Variants in WASHC2C observed in about 807,000 individuals in gnomAD.
WASHC2C encodes the protein WASH complex subunit 2C, also known as Vaccinia Penetration Factor.
A neutral mutation model predicts 142.2 loss-of-function variants in WASHC2C; 73 were observed. That is an observed-to-expected ratio of 0.51 (90% CI 0.43 to 0.62). The LOEUF (loss-of-function observed/expected upper bound fraction) is 0.62. WASHC2C is among the 20% of genes least tolerant of loss of function. The pLI is 0.00. For synonymous variants in WASHC2C, 337 were observed against 565.5 expected, an observed-to-expected ratio of 0.60 and a Z score of 5.73; for missense variants, 969 against 1,531.7, an observed-to-expected ratio of 0.63 and a Z score of 6.13.
intron 5 of WASHC2C, among the ~76,000 whole-genome samples, chr10:45,741,884 C>G (rs200396668): frequency 6.6e-6 from 1 of 151,032 alleles, no homozygotes; most frequent in East Asian, 2.0e-4. Flanking sequence ...GCTTCTGTCT[C>G]CTGGGTTCAA....
rs1482849862 is a variant in WASHC2C at position 45,790,419 on chromosome 10, T to C, written c.3772T>C (p.Leu1258=). ...SQKTREKEKT[L]ESNLFDDNID... is the part of the protein sequence containing the mutation. ...GAAAACCAGAGAGAAGGAGAAAACA[T>C]TGGAATCTAATTTATTTGATGATAA... is the stretch of plus-strand genomic sequence containing the variant. Residue 1258 remains leucine, a synonymous_variant, in exon 30 of 31, where the codon TTG becomes CTG. Transcript: ENST00000623400. The C allele has an allele frequency of 6.2e-6, 10 of 1,610,944 alleles. No homozygotes were observed. The East Asian group carries it at 8.9e-5, about 14-fold the overall frequency.
intron 5 of WASHC2C, among the ~76,000 whole-genome samples, chr10:45,742,340 GT>G (rs1304146424): frequency 6.6e-6 from 1 of 152,216 alleles, no homozygotes. Context: ...TTGAGTCGGA[GT>G]TTCGCTCTTG....
At position 45,750,267 on chromosome 10, in the gene WASHC2C, T is replaced by C. The variant is rs202042524; in HGVS notation, c.843+61T>C. 4.5e-3 allele frequency: 7,038 copies of C among 1,563,062 alleles called. 44 individuals carry two copies. The highest frequency in any genetic ancestry group is 0.015 in the Middle Eastern group (65 of 4,280). On this transcript the variant is annotated intron_variant, in intron 9 of 30. Transcript: ENST00000623400. ...TTTTAGAACCAATGACTTGTTTTTC[T>C]TTTTATTGTGACTTACTTTGTACAT...
chr10:45,746,563 G>A, intron 7 of WASHC2C, 37 bp from the exon 8 acceptor site: 1 of 1,609,428 alleles, frequency 6.2e-7, no homozygotes, highest in South Asian at 1.1e-5. Flanking sequence ...TCTAAGTAAA[G>A]CCCATTTAAC....
At chr10:45,759,823 TAA>T (rs1196674121) in intron 17 of WASHC2C, among the ~76,000 whole-genome samples, 9 of 152,010 alleles carry the variant, frequency 5.9e-5, no homozygotes, top group Non-Finnish European at 2.9e-5. Context: ...CATCTCAAAA[TAA>T]ATAAATGAAT....
At chr10:45,757,589 G>C (rs551506272) in intron 16 of WASHC2C, among the ~76,000 whole-genome samples, 1 of 152,140 alleles carries the variant, frequency 6.6e-6, no homozygotes, top group South Asian at 2.1e-4. Context: ...AGTTGCCCCA[G>C]AATGTCTTTG....
intron 21 of WASHC2C, among the ~76,000 whole-genome samples, chr10:45,773,766 G>A (rs2056823562): frequency 6.6e-6 from 1 of 152,158 alleles, no homozygotes; most frequent in Non-Finnish European, 1.5e-5. Flanking sequence ...GAACCTTGAG[G>A]CCGTTATACT....
chr10:45,729,482 C>T (rs2610477), intron 3 of WASHC2C, among the ~76,000 whole-genome samples: 2 of 151,902 alleles, frequency 1.3e-5, no homozygotes, highest in Non-Finnish European at 2.9e-5. Context: ...TTATGATGGC[C>T]GAACTTACAA....
At chr10:45,791,838 A>G (rs2058412335) in intron 30 of WASHC2C, among the ~76,000 whole-genome samples, 1 of 146,194 alleles carries the variant, frequency 6.8e-6, no homozygotes, top group Non-Finnish European at 1.5e-5. Context: ...GCCTCAAATC[A>G]GTGCATTTAT....
chr10:45,754,320 G>T (rs1171175454), intron 13 of WASHC2C, among the ~76,000 whole-genome samples, 166 bp from the exon 14 acceptor site: 1 of 152,098 alleles, frequency 6.6e-6, no homozygotes, highest in East Asian at 1.9e-4. Context: ...TCCTGACATC[G>T]GTAGAGAAGA....
chr10:45,770,097 C>G (rs575046911), intron 20 of WASHC2C, among the ~76,000 whole-genome samples: 103 of 151,412 alleles, frequency 6.8e-4, no homozygotes, highest in Non-Finnish European at 7.2e-4. Flanking sequence ...AAAAATTAGC[C>G]GGGTGTGGTG....
intron 17 of WASHC2C, among the ~76,000 whole-genome samples, chr10:45,762,022 A>AT (rs1407635011): frequency 6.6e-6 from 1 of 151,536 alleles, no homozygotes; most frequent in Admixed American, 6.6e-5. Context: ...AAAAAAAAAA[A>AT]ACTGTCCAAA....
rs373351636 is a variant in WASHC2C at position 45,755,059 on chromosome 10, A to G, written c.1364A>G (p.Asp455Gly). Residue 455 changes from aspartate (D) to glycine (G), a missense_variant, in exon 15 of 31, where the codon GAT (aspartate) becomes GGT (glycine). Transcript: ENST00000623400. ...CCCACTGGCCTCTTTGATGATGATG[A>G]TGGTGATGATGATGACGACTTTTTC... ...PPPTGLFDDD[D>G]GDDDDDFFSA... 2.5e-6 allele frequency: 4 copies of G among 1,611,528 alleles called. No homozygotes were observed. The South Asian group carries it at 3.3e-5, about 13-fold the overall frequency.
At position 45,729,001 on chromosome 10, in the gene WASHC2C, T is replaced by G. The variant is rs1554861231; in HGVS notation, c.266T>G (p.Leu89Arg). 1 of 1,613,576 alleles carries G rather than the reference T, an allele frequency of 6.2e-7. No individual in the cohort carries two copies. The highest frequency in any genetic ancestry group is 1.3e-5 in the African/African-American group (1 of 74,902). The change falls in exon 3 of 31, where the codon CTC becomes CGC. Residue 89 changes from leucine (L) to arginine (R), a missense_variant. By Grantham distance (102) the Leu-to-Arg change is moderately radical. Coordinates refer to ENST00000623400, the MANE Select transcript of WASHC2C (RefSeq NM_001330074.2). Reference sequence around the variant, plus strand: ...AATGTCTTCAATGACTTCCTTATGCTCTCTAATACCCAGTTCATAGAGAAT... The same window carrying G: ...AATGTCTTCAATGACTTCCTTATGCGCTCTAATACCCAGTTCATAGAGAAT... The part of the protein sequence containing the change: ...LHNVFNDFLM[L>R]SNTQFIENRV...
Position 45,779,094 on chromosome 10 carries a change from G to A in WASHC2C, c.2437G>A (p.Asp813Asn). ...LFDEEEDKMEDQNIIQAPQKE... is the reference protein window; with the variant it reads ...LFDEEEDKMENQNIIQAPQKE... ...TGATGAGGAAGAGGATAAAATGGAAGATCAAAACATTATCCAGGCTCCACA... is the reference window on the plus strand; with the variant it reads ...TGATGAGGAAGAGGATAAAATGGAAAATCAAAACATTATCCAGGCTCCACA... Residue 813 changes from aspartate (D) to asparagine (N), a missense_variant, in exon 23 of 31, where the codon GAT (aspartate) becomes AAT (asparagine). Coordinates refer to ENST00000623400, the MANE Select transcript of WASHC2C (RefSeq NM_001330074.2). 2 of 1,611,180 alleles carry A rather than the reference G, an allele frequency of 1.2e-6. No homozygotes were observed. The highest frequency in any genetic ancestry group is 1.7e-6 in the Non-Finnish European group (2 of 1,179,660).
At chr10:45,744,767 A>G in intron 6 of WASHC2C, 54 bp from the exon 7 acceptor site, 1 of 511,110 alleles carries the variant, frequency 2.0e-6, no homozygotes, top group Non-Finnish European at 3.5e-6. Flanking sequence ...TTTTGAGCTA[A>G]GGACATTTTC....
chr10:45,730,348 A>C (rs2050406345), intron 3 of WASHC2C, among the ~76,000 whole-genome samples: 1 of 139,868 alleles, frequency 7.1e-6, no homozygotes, highest in Non-Finnish European at 1.6e-5. Flanking sequence ...ACTCCGTCTC[A>C]AAAAAAAAAA....
intron 17 of WASHC2C, among the ~76,000 whole-genome samples, chr10:45,762,603 TTTATTTAA>T (rs1226866571): frequency 6.6e-6 from 1 of 152,254 alleles, no homozygotes; most frequent in African/African-American, 2.4e-5. Flanking sequence ...TTAATTTGTA[TTTATTTAA>T]AAGAAATAAG....
intron 28 of WASHC2C, among the ~76,000 whole-genome samples, chr10:45,787,858 T>C (rs748880522): frequency 6.6e-6 from 1 of 152,214 alleles, no homozygotes; most frequent in Non-Finnish European, 1.5e-5. Flanking sequence ...CTGCACCAAG[T>C]TCCCACAGCA....
Sources: allele counts gnomAD v4.1 joint callset (sites outside exome capture counted in the v4.1 genomes callset), GRCh38; gene constraint gnomAD v4.1.1; transcripts MANE v1.5; gene names NCBI Gene and HGNC (gene_info 2026-07-23, HGNC 2026-07-21).